LYN: variants seen among roughly 807,000 people sequenced by gnomAD.
LYN encodes the protein LYN proto-oncogene, Src family tyrosine kinase, also known as tyrosine-protein kinase Lyn.
LYN carries 12 observed loss-of-function variants against 65.0 expected under a neutral mutation model. The ratio of observed to expected loss-of-function variants is 0.18; its 90% CI spans 0.12 to 0.30. The LOEUF is 0.30. LYN is among the 10% of genes least tolerant of loss of function. LYN has a pLI of 1.00. For synonymous variants in LYN, 222 were observed against 221.2 expected (o/e 1.00, Z -0.03); for missense variants, 380 against 623.2 (o/e 0.61, Z 4.16).
At chr8:55,967,293 A>G (rs1007473757) in intron 9 of LYN, among the ~76,000 whole-genome samples, 2 of 150,954 alleles carry the variant, frequency 1.3e-5, no homozygotes, top group Admixed American at 1.3e-4. Flanking sequence ...GTTCAGTACC[A>G]AATTCCTCTT....
chr8:55,920,327 C>T (rs892757183), intron 1 of LYN, among the ~76,000 whole-genome samples: 1 of 152,096 alleles, frequency 6.6e-6, no homozygotes, highest in African/African-American at 2.4e-5. Context: ...ATTCATAAAG[C>T]CTCTTTAGCA....
chr8:55,964,295 C>G (rs1003417617), intron 8 of LYN, among the ~76,000 whole-genome samples: 22 of 152,168 alleles, frequency 1.4e-4, no homozygotes, highest in African/African-American at 4.8e-4. Flanking sequence ...AACTCCTGGG[C>G]TCAAGCGATC....
chr8:55,911,412 GC>G lies in LYN; in HGVS notation c.-5-30442del, dbSNP rs1188112751. 2.1e-5 allele frequency among the ~76,000 whole-genome samples: 3 copies of G among 146,324 alleles called. No homozygotes were observed. The East Asian group carries it at 6.0e-4, about 29-fold the overall frequency. ...GTTGGGATTACGGGCGTGAGCCACC[GC>G]ACCCAACCGGTTTTTTACTAAATTT... On this transcript the variant is annotated intron_variant, in intron 1 of 12. Coordinates refer to ENST00000519728, the MANE Select transcript of LYN (RefSeq NM_002350.4).
At chr8:55,961,755 A>C (rs1028220090) in intron 8 of LYN, among the ~76,000 whole-genome samples, 6 of 152,182 alleles carry the variant, frequency 3.9e-5, no homozygotes, top group Non-Finnish European at 8.8e-5. Context: ...TAATGTAACA[A>C]GCAGACAGAA....
chr8:55,974,446 C>A (rs1003100308), intron 10 of LYN, among the ~76,000 whole-genome samples: 2 of 152,210 alleles, frequency 1.3e-5, no homozygotes, highest in Non-Finnish European at 2.9e-5. Context: ...TAGGAAAACT[C>A]TATCTAGGAA....
chr8:55,967,968 C>T (rs982283107), intron 9 of LYN, among the ~76,000 whole-genome samples: 10 of 152,186 alleles, frequency 6.6e-5, no homozygotes, highest in African/African-American at 9.7e-5. Context: ...AGTATGATGT[C>T]ATAGCTGAAT....
chr8:55,966,552 G>A (rs970601767), intron 8 of LYN, among the ~76,000 whole-genome samples, 163 bp from the exon 9 acceptor site: 3 of 152,016 alleles, frequency 2.0e-5, no homozygotes, highest in Admixed American at 6.6e-5. Flanking sequence ...ATTTTTAGTA[G>A]ACATGGGGTT....
chr8:55,920,705 C>A (rs1428272250), intron 1 of LYN, among the ~76,000 whole-genome samples: 3 of 152,052 alleles, frequency 2.0e-5, no homozygotes, highest in Non-Finnish European at 4.4e-5. Context: ...GTATCTCACT[C>A]TGTTGCCCAG....
At chr8:55,959,533 G>A (rs1807215483) in intron 8 of LYN, among the ~76,000 whole-genome samples, 2 of 152,168 alleles carry the variant, frequency 1.3e-5, no homozygotes, top group African/African-American at 4.8e-5. Flanking sequence ...TTAGTGCAAA[G>A]GCTATACAGC....
Position 55,988,559 on chromosome 8 carries a change from C to T in LYN, c.1051-9787C>T, listed in dbSNP as rs145492121. On this transcript the variant is annotated intron_variant, in intron 10 of 12. Transcript: ENST00000519728. ...CTTCTTTTTCTCAAGCATAGGAAGA[C>T]AATACATCCTTAGAGAGTAAGGTAA... 1.1e-4 allele frequency among the ~76,000 whole-genome samples: 16 copies of T among 152,180 alleles called. No homozygotes were observed. The East Asian group carries it at 2.5e-3, about 24-fold the overall frequency.
intron 10 of LYN, among the ~76,000 whole-genome samples, chr8:55,975,726 G>C (rs562646559): frequency 1.5e-4 from 22 of 147,244 alleles, no homozygotes; most frequent in African/African-American, 5.5e-4. Context: ...TGCAAAAGTG[G>C]ATCATATGCA....
In LYN at chr8:56,011,233, A is replaced by T; in HGVS notation, c.*1123A>T. On this transcript the variant is annotated 3_prime_UTR_variant, in exon 13 of 13. Coordinates refer to ENST00000519728, the MANE Select transcript of LYN (RefSeq NM_002350.4). ...GGCTCTAATAAGCCACGGTGGCAGG[A>T]GGTTCAAGCGGTTCTGTTCACTAAA... The T allele has an allele frequency of 4.4e-6, 1 of 227,044 alleles. No individual in the cohort carries two copies. The highest frequency in any genetic ancestry group is 8.8e-6 in the Non-Finnish European group (1 of 114,202). The allele number at this position is 227,044 out of a possible 1,614,324, so 14.1% of individuals were successfully genotyped here.
chr8:56,001,372 C>T (rs1281864443), intron 12 of LYN, among the ~76,000 whole-genome samples: 2 of 152,156 alleles, frequency 1.3e-5, no homozygotes, highest in Non-Finnish European at 2.9e-5. Flanking sequence ...CATGTAAGAG[C>T]AGCCCCTCTT....
intron 3 of LYN, among the ~76,000 whole-genome samples, chr8:55,946,858 G>T (rs1038350994): frequency 4.6e-5 from 7 of 152,154 alleles, no homozygotes; most frequent in Admixed American, 4.6e-4. Flanking sequence ...TTTGTGTTTG[G>T]ATTATTTCAC....
At chr8:55,987,331 C>T (rs1001700633) in intron 10 of LYN, among the ~76,000 whole-genome samples, 2 of 151,818 alleles carry the variant, frequency 1.3e-5, no homozygotes, top group African/African-American at 4.8e-5. Flanking sequence ...TTGCTCGAGC[C>T]CCGGAGGTGG....
intron 10 of LYN, among the ~76,000 whole-genome samples, chr8:55,987,508 A>G (rs1585669394): frequency 2.0e-5 from 3 of 151,804 alleles, no homozygotes; most frequent in Admixed American, 6.6e-5. Context: ...TTGTCTTGCA[A>G]CCTCCGCTTC....
chr8:55,894,339 AGAG>A (rs1032025086), intron 1 of LYN, among the ~76,000 whole-genome samples: 2 of 151,038 alleles, frequency 1.3e-5, no homozygotes, highest in African/African-American at 4.9e-5. Context: ...AGCTGGGACT[AGAG>A]GTGCATGCCA....
intron 12 of LYN, among the ~76,000 whole-genome samples, chr8:56,006,134 G>T (rs1400354968): frequency 6.6e-6 from 1 of 152,002 alleles, no homozygotes; most frequent in Non-Finnish European, 1.5e-5. Context: ...GTCTTGTTTT[G>T]CTTTGTTTAT....
At chr8:55,997,880 C>A (rs528514562) in intron 10 of LYN, among the ~76,000 whole-genome samples, 5 of 152,064 alleles carry the variant, frequency 3.3e-5, no homozygotes, top group Non-Finnish European at 7.4e-5. Context: ...GTCAGGAGAT[C>A]GAGACCATCC....
Sources: allele counts gnomAD v4.1 joint callset (sites outside exome capture counted in the v4.1 genomes callset), GRCh38; gene constraint gnomAD v4.1.1; transcripts MANE v1.5; gene names NCBI Gene and HGNC (gene_info 2026-07-23, HGNC 2026-07-21).